GLIS3: variants seen among roughly 807,000 people sequenced by gnomAD.
The protein encoded by GLIS3 is zinc finger protein GLIS3.
GLIS3 carries 53 observed loss-of-function variants against 78.6 expected under a neutral mutation model. That is an observed-to-expected ratio of 0.67 (90% CI 0.54 to 0.85). The LOEUF (loss-of-function observed/expected upper bound fraction) is 0.85, where lower values mean the gene tolerates loss of function less well. GLIS3 is among the 40% of genes least tolerant of loss of function. GLIS3 has a pLI of 0.00. For missense variants in GLIS3, 1,703 were observed against 1,231.1 expected (o/e 1.38, Z -5.74); for synonymous variants, 684 against 509.9 (o/e 1.34, Z -4.60).
the GLIS3 span, among the ~76,000 whole-genome samples, chr9:4,461,161 A>G: frequency 6.6e-6 from 1 of 152,210 alleles, no homozygotes; most frequent in Non-Finnish European, 1.5e-5. Flanking sequence ...ATCAAGAGAA[A>G]AGATGTTAAA....
intron 4 of GLIS3, among the ~76,000 whole-genome samples, chr9:4,075,620 A>G (rs1339366764): frequency 2.0e-5 from 3 of 152,198 alleles, no homozygotes; most frequent in African/African-American, 7.2e-5. Context: ...ATAGGGATCA[A>G]TATATAGCCT....
chr9:4,277,444 C>T (rs942668840), intron 2 of GLIS3, among the ~76,000 whole-genome samples: 27 of 152,134 alleles, frequency 1.8e-4, no homozygotes, highest in Non-Finnish European at 2.5e-4. Flanking sequence ...TTTTTGACTT[C>T]CCAGGTTCTC....
chr9:4,314,070 G>A (rs1405302759), intron 2 of GLIS3, among the ~76,000 whole-genome samples: 2 of 152,202 alleles, frequency 1.3e-5, no homozygotes, highest in Non-Finnish European at 2.9e-5. Context: ...ATTAGCTGGT[G>A]TGACCCGGGG....
At chr9:4,467,365 C>G in the GLIS3 span, among the ~76,000 whole-genome samples, 1 of 152,206 alleles carries the variant, frequency 6.6e-6, no homozygotes, top group Non-Finnish European at 1.5e-5. Flanking sequence ...AGTAGTATAA[C>G]TAGGAGACAC....
chr9:3,960,064 G>C (rs902125898), intron 4 of GLIS3, among the ~76,000 whole-genome samples: 1 of 152,190 alleles, frequency 6.6e-6, no homozygotes, highest in Non-Finnish European at 1.5e-5. Flanking sequence ...TTGAACCGAG[G>C]AGGCGGAGGT....
At chr9:4,389,725 G>A in the GLIS3 span, among the ~76,000 whole-genome samples, 2 of 152,096 alleles carry the variant, frequency 1.3e-5, no homozygotes, top group African/African-American at 2.4e-5. Context: ...ACACACAGAC[G>A]GCACCGCATA....
At chr9:3,872,884 C>A (rs1002015546) in intron 8 of GLIS3, among the ~76,000 whole-genome samples, 7 of 151,980 alleles carry the variant, frequency 4.6e-5, no homozygotes, top group Admixed American at 3.9e-4. Flanking sequence ...AAAGGAGGAA[C>A]AAACCAAACC....
chr9:4,355,886 G>A, the GLIS3 span, among the ~76,000 whole-genome samples: 1 of 152,104 alleles, frequency 6.6e-6, no homozygotes, highest in Non-Finnish European at 1.5e-5. Flanking sequence ...GAAAGTCCTG[G>A]GGGCAATGAA....
chr9:4,128,296 C>A (rs902429802), intron 2 of GLIS3, among the ~76,000 whole-genome samples: 8 of 152,204 alleles, frequency 5.3e-5, no homozygotes, highest in Non-Finnish European at 1.2e-4. Flanking sequence ...TTGTCCACAT[C>A]TCCCATCACA....
chr9:4,010,367 A>G (rs1821903537), intron 4 of GLIS3, among the ~76,000 whole-genome samples: 1 of 152,128 alleles, frequency 6.6e-6, no homozygotes, highest in African/African-American at 2.4e-5. Flanking sequence ...GCAAATATTA[A>G]TTTATTTCCT....
the GLIS3 span, among the ~76,000 whole-genome samples, chr9:4,398,931 C>G: frequency 6.6e-6 from 1 of 152,182 alleles, no homozygotes; most frequent in Non-Finnish European, 1.5e-5. Context: ...TTGTGATCCA[C>G]CTACCTTGGC....
At position 3,997,015 on chromosome 9, in the gene GLIS3, C is replaced by A. The variant is rs141703983; in HGVS notation, c.1711-59826G>T. 1.9e-3 allele frequency among the ~76,000 whole-genome samples: 295 copies of A among 152,144 alleles called. 2 individuals are homozygous for A. Among genetic ancestry groups the A allele is most frequent in the African/African-American group, 6.2e-3 (258 of 41,498 alleles). ...CCATAATCACTAAAACTATTGAATC[C>A]GAAATTTAAAATCTTCCTACATGGC... On this transcript the variant is annotated intron_variant, in intron 4 of 10. Transcript: ENST00000381971.
intron 2 of GLIS3, among the ~76,000 whole-genome samples, chr9:4,267,448 G>T (rs929641603): frequency 6.6e-6 from 1 of 152,146 alleles, no homozygotes; most frequent in African/African-American, 2.4e-5. Context: ...TCTGGATGTA[G>T]AAAAATATGA....
intron 4 of GLIS3, among the ~76,000 whole-genome samples, chr9:4,104,163 C>G (rs1000801278): frequency 5.3e-5 from 8 of 152,100 alleles, no homozygotes; most frequent in African/African-American, 1.9e-4. Flanking sequence ...GACTTCTCAT[C>G]TGATCTCCAG....
At chr9:4,050,077 A>G (rs1825604164) in intron 4 of GLIS3, among the ~76,000 whole-genome samples, 2 of 152,168 alleles carry the variant, frequency 1.3e-5, no homozygotes, top group South Asian at 4.1e-4. Context: ...ATACCATTTG[A>G]CCCAGCCATC....
intron 4 of GLIS3, among the ~76,000 whole-genome samples, chr9:4,108,483 G>C (rs143302859): frequency 4.9e-4 from 74 of 152,242 alleles, no homozygotes; most frequent in African/African-American, 1.7e-3. Context: ...TTTTGTTTAA[G>C]GCTGAGTCCT....
the GLIS3 span, among the ~76,000 whole-genome samples, chr9:4,365,646 G>C: frequency 6.6e-6 from 1 of 152,150 alleles, no homozygotes. Flanking sequence ...TTGCTCACTT[G>C]GATGGACAAA....
At chr9:4,196,805 C>G (rs912345375) in intron 2 of GLIS3, among the ~76,000 whole-genome samples, 11 of 152,306 alleles carry the variant, frequency 7.2e-5, no homozygotes, top group African/African-American at 2.6e-4. Flanking sequence ...GGACACACAA[C>G]TACAGTTTCT....
chr9:4,143,756 C>CTATTCTA (rs1316751184), intron 2 of GLIS3, among the ~76,000 whole-genome samples: 1 of 152,202 alleles, frequency 6.6e-6, no homozygotes, highest in Non-Finnish European at 1.5e-5. Flanking sequence ...CTGACAACCA[C>CTATTCTA]TATTCTACCC....
Sources: gnomAD v4.1 joint callset for allele counts (sites outside exome capture counted in the v4.1 genomes callset) on GRCh38, gnomAD v4.1.1 for gene constraint, MANE v1.5 for transcripts, NCBI Gene and HGNC (gene_info 2026-07-23, HGNC 2026-07-21) for gene names.